The following MYO10 variants were observed in gnomAD, a reference collection of about 807,000 sequenced individuals.
MYO10 encodes myosin X.
MYO10 carries 133 observed loss-of-function variants against 257.3 expected under a neutral mutation model. The observed-to-expected ratio is 0.52, with a 90% CI of 0.45 to 0.60. The LOEUF (loss-of-function observed/expected upper bound fraction) is 0.60. Ranked by LOEUF, MYO10 falls within the 20% of genes least tolerant of loss-of-function variation. MYO10 has a pLI of 0.00. For missense variants in MYO10, 2,399 were observed against 2,635.7 expected (o/e 0.91, Z 1.97); for synonymous variants, 1,104 against 1,028.6 (o/e 1.07, Z -1.40).
chr5:16,823,662 A>G (rs2126711055), intron 2 of MYO10, among the ~76,000 whole-genome samples: 1 of 149,354 alleles, frequency 6.7e-6, no homozygotes, highest in East Asian at 2.0e-4. Context: ...TTTAGTAGAG[A>G]CAGGTTTCAC....
intron 1 of MYO10, chr5:16,902,423 G>A: frequency 8.3e-7 from 1 of 1,206,984 alleles, no homozygotes; most frequent in Non-Finnish European, 1.2e-6. Context: ...AACTCAGACA[G>A]TAATGTAACT....
At chr5:16,875,101 C>A (rs1299374692) in intron 2 of MYO10, among the ~76,000 whole-genome samples, 1 of 152,156 alleles carries the variant, frequency 6.6e-6, no homozygotes, top group Admixed American at 6.5e-5. Context: ...TGGGTCCCTC[C>A]CACAACACAT....
At chr5:16,840,444 T>TGAAAGAAA (rs1554001762) in intron 2 of MYO10, among the ~76,000 whole-genome samples, 5 of 100,904 alleles carry the variant, frequency 5.0e-5, no homozygotes, top group South Asian at 3.0e-4. Context: ...AATGAATGAA[T>TGAAAGAAA]GAAAGAAAGA....
intron 38 of MYO10, among the ~76,000 whole-genome samples, 187 bp downstream of exon 38, chr5:16,671,235 A>G (rs1736444930): frequency 6.6e-6 from 1 of 152,186 alleles, no homozygotes; most frequent in Non-Finnish European, 1.5e-5. Context: ...CCTGGAACGG[A>G]GGTTCAAATA....
chr5:16,823,705 C>T (rs1178074585), intron 2 of MYO10, among the ~76,000 whole-genome samples: 2 of 150,228 alleles, frequency 1.3e-5, no homozygotes, highest in African/African-American at 4.9e-5. Flanking sequence ...AACTCCTGAC[C>T]TCGTGATCTG....
intron 10 of MYO10, among the ~76,000 whole-genome samples, chr5:16,766,474 G>A (rs148881725): frequency 6.3e-4 from 96 of 152,216 alleles, no homozygotes; most frequent in African/African-American, 2.0e-3. Context: ...TCGCTCTGTC[G>A]CCCAGGCTGG....
At position 16,844,933 on chromosome 5, in the gene MYO10, C is replaced by A. The variant is rs1448550921; in HGVS notation, c.121-26766G>T. The stretch of plus-strand genomic sequence containing the variant: ...AGATTTTATTCCAACAAAGTAATTC[C>A]AGATACACACACACACACACGCACA... On this transcript the variant is annotated intron_variant, in intron 2 of 40. Coordinates refer to ENST00000513610, the MANE Select transcript of MYO10 (RefSeq NM_012334.3). 2.1e-5 allele frequency among the ~76,000 whole-genome samples: 3 copies of A among 143,086 alleles called. No individual in the cohort carries two copies. The East Asian group carries it at 6.1e-4, about 29-fold the overall frequency. 93.9% of individuals were successfully genotyped at this position (143,086 alleles called of 152,430 possible). A position where few individuals can be genotyped will look rare whatever the true frequency, so the allele number is the denominator to read the frequency against.
At chr5:16,715,392 ATT>A (rs372307063) in intron 19 of MYO10, among the ~76,000 whole-genome samples, 1,479 of 84,408 alleles carry the variant, frequency 0.018, 29 homozygotes, top group African/African-American at 0.066. Context: ...TAAGATTGAA[ATT>A]TTTTTTTTTT....
At chr5:16,684,017 T>G (rs1173510626) in intron 29 of MYO10, 82 bp from the exon 30 acceptor site, 8 of 1,249,316 alleles carry the variant, frequency 6.4e-6, no homozygotes, top group Non-Finnish European at 9.2e-6. Context: ...AGCCCACAAC[T>G]CCCAATCAGA....
rs191540786 is a variant in MYO10 at position 16,693,832 on chromosome 5, T to C, written c.3800+539A>G. Among the ~76,000 whole-genome samples, 3 of 152,284 alleles carry C rather than the reference T, an allele frequency of 2.0e-5. No homozygotes were observed. In the East Asian group the frequency reaches 5.8e-4, roughly 29 times the overall value. ...TCAATAGTCCAAAGCTTTGGTTCTA[T>C]AAGGGTGTGGCAGAAAAGGGGGCAT... On this transcript the variant is annotated intron_variant, in intron 27 of 40. Transcript: ENST00000513610.
At chr5:16,858,610 C>CT (rs1561022602) in intron 2 of MYO10, among the ~76,000 whole-genome samples, 3 of 152,104 alleles carry the variant, frequency 2.0e-5, no homozygotes, top group Admixed American at 6.5e-5. Flanking sequence ...AAAATGGCAG[C>CT]ACAATCATAT....
At chr5:16,848,344 G>C (rs1311428036) in intron 2 of MYO10, among the ~76,000 whole-genome samples, 1 of 151,808 alleles carries the variant, frequency 6.6e-6, no homozygotes, top group African/African-American at 2.4e-5. Context: ...ATTTTTAGTA[G>C]AGACAGGGTT....
chr5:16,867,044 G>C (rs1000888880), intron 2 of MYO10, among the ~76,000 whole-genome samples: 9 of 152,232 alleles, frequency 5.9e-5, no homozygotes, highest in African/African-American at 9.6e-5. Context: ...GTGGGACCGT[G>C]CTCCTGCGCA....
At chr5:16,854,133 G>C (rs1743894169) in intron 2 of MYO10, 1 of 152,094 alleles carries the variant, frequency 6.6e-6, no homozygotes, top group Non-Finnish European at 1.5e-5. Flanking sequence ...CTAACAGCAT[G>C]TAAGAATTAT....
chr5:16,929,198 C>T (rs1005179721), intron 1 of MYO10, among the ~76,000 whole-genome samples: 1 of 151,996 alleles, frequency 6.6e-6, no homozygotes, highest in Non-Finnish European at 1.5e-5. Flanking sequence ...CGTGATCCGC[C>T]CACCTCGGCC....
intron 2 of MYO10, among the ~76,000 whole-genome samples, chr5:16,854,830 G>C (rs753879215): frequency 6.6e-6 from 1 of 151,968 alleles, no homozygotes; most frequent in African/African-American, 2.4e-5. Flanking sequence ...TCAGGAGTTC[G>C]AGACCAGCCT....
chr5:16,821,173 A>G (rs1033235200), intron 2 of MYO10, among the ~76,000 whole-genome samples: 1 of 148,424 alleles, frequency 6.7e-6, no homozygotes, highest in Non-Finnish European at 1.5e-5. Flanking sequence ...TATATATATA[A>G]AATGACTTAA....
Position 16,701,960 on chromosome 5 carries a change from A to G in MYO10, c.2557-122T>C. The G allele has an allele frequency of 8.3e-7, 1 of 1,201,784 alleles. No individual in the cohort carries two copies. Among genetic ancestry groups the G allele is most frequent in the Non-Finnish European group, 1.1e-6 (1 of 880,490 alleles). 74.4% of individuals were successfully genotyped at this position (1,201,784 alleles called of 1,614,324 possible). A position where few individuals can be genotyped will look rare whatever the true frequency, so the allele number is the denominator to read the frequency against. On this transcript the variant is annotated intron_variant, in intron 24 of 40. Coordinates refer to ENST00000513610, the MANE Select transcript of MYO10 (RefSeq NM_012334.3). This position sits in a 1 kb window ranked among gnomAD's most constrained non-coding sequence, Gnocchi z 8.1. ...GTTGGACTGTGTCCCCATAAAGTCT[A>G]TAGGTTGAAGTCCTAACCCCAATAC...
At position 16,719,853 on chromosome 5, in the gene MYO10, A is replaced by G. The variant is rs141137956; in HGVS notation, c.1930-8608T>C. Among the ~76,000 whole-genome samples, 447 of 152,168 alleles carry G rather than the reference A, an allele frequency of 2.9e-3. 2 individuals carry two copies. The highest frequency in any genetic ancestry group is 1.0e-2 in the African/African-American group (415 of 41,520). ...GTGGTACATGCCTATAATCCCAGCT[A>G]CTCAGGAGGCTGAGGCAGGACAATC... is the stretch of plus-strand genomic sequence containing the variant. On this transcript the variant is annotated intron_variant, in intron 19 of 40. Coordinates refer to ENST00000513610, the MANE Select transcript of MYO10 (RefSeq NM_012334.3).
Sources: allele counts gnomAD v4.1 joint callset (sites outside exome capture counted in the v4.1 genomes callset), GRCh38; gene constraint gnomAD v4.1.1; non-coding constraint Gnocchi (gnomAD v3.1); transcripts MANE v1.5; gene names NCBI Gene and HGNC (gene_info 2026-07-23, HGNC 2026-07-21).